Variants in CNTN5 observed in about 807,000 individuals in gnomAD.
The protein encoded by CNTN5 is contactin-5.
A neutral mutation model predicts 129.1 loss-of-function variants in CNTN5; 77 were observed. That is an observed-to-expected ratio of 0.60 (90% CI 0.50 to 0.72). CNTN5 has a LOEUF of 0.72. Among genes scored for constraint, CNTN5 ranks in the 30% least tolerant of loss-of-function variants. The probability of loss-of-function intolerance (pLI) is 0.00; values close to 1 mark genes in which losing one functional copy is unlikely to be tolerated. For synonymous variants in CNTN5, 509 were observed against 465.6 expected (o/e 1.09, Z -1.20); for missense variants, 1,478 against 1,328.8 (o/e 1.11, Z -1.75).
intron 1 of CNTN5, among the ~76,000 whole-genome samples, chr11:99,168,407 G>A (rs768229064): frequency 7.2e-5 from 11 of 152,092 alleles, no homozygotes; most frequent in East Asian, 3.9e-4. Flanking sequence ...GTGAAACCCC[G>A]TCTGTACTAA....
intron 4 of CNTN5, among the ~76,000 whole-genome samples, chr11:99,820,926 C>T (rs1417099086): frequency 6.6e-6 from 1 of 152,184 alleles, no homozygotes; most frequent in Non-Finnish European, 1.5e-5. Flanking sequence ...CAGGTGCAGG[C>T]AAACTTATCC....
Position 99,819,703 on chromosome 11 carries a change from C to A in CNTN5, c.215C>A (p.Ala72Glu), listed in dbSNP as rs201399847. The A allele has an allele frequency of 4.0e-5, 64 of 1,612,494 alleles. No individual in the cohort carries two copies. The African/African-American group carries it at 7.2e-4, about 18-fold the overall frequency. Residue 72 changes from alanine to glutamate, a missense_variant, in exon 4 of 25, where the codon GCA becomes GAA. Transcript: ENST00000524871. ...GCTTCTTCACCCAGCTGGCTAGGGG[C>A]AGCTCAGAATTATTATTCCCCCATC... Reference protein sequence around the residue: ...LSASSPSWLGAAQNYYSPINL... With the variant: ...LSASSPSWLGEAQNYYSPINL...
intron 2 of CNTN5, among the ~76,000 whole-genome samples, chr11:99,468,729 A>C (rs35978824): frequency 6.7e-6 from 1 of 148,988 alleles, no homozygotes; most frequent in Admixed American, 6.7e-5. Flanking sequence ...TTATTGTTAG[A>C]AACTTTTTTT....
intron 1 of CNTN5, among the ~76,000 whole-genome samples, chr11:99,094,873 T>G (rs553164438): frequency 6.6e-5 from 10 of 152,034 alleles, no homozygotes; most frequent in African/African-American, 2.2e-4. Context: ...AGTAAAAGTA[T>G]ATTGTTCTTA....
At chr11:99,174,845 T>A (rs949671773) in intron 1 of CNTN5, among the ~76,000 whole-genome samples, 31 of 152,234 alleles carry the variant, frequency 2.0e-4, no homozygotes, top group African/African-American at 7.2e-4. Flanking sequence ...ACTATTATAC[T>A]TGTTATGTGA....
intron 1 of CNTN5, among the ~76,000 whole-genome samples, chr11:99,056,054 T>C (rs1864612065): frequency 6.6e-6 from 1 of 152,004 alleles, no homozygotes; most frequent in South Asian, 2.1e-4. Context: ...TGTTTCACGC[T>C]CCAGTAACAT....
chr11:99,894,473 GA>G (rs35922423), intron 6 of CNTN5, among the ~76,000 whole-genome samples: 12,258 of 84,336 alleles, frequency 0.15, 1,015 homozygotes, highest in East Asian at 0.31. Flanking sequence ...AACTACAACT[GA>G]AAAAAAAAAA....
At chr11:99,260,149 T>C (rs1227669807) in intron 1 of CNTN5, among the ~76,000 whole-genome samples, 2 of 151,838 alleles carry the variant, frequency 1.3e-5, no homozygotes, top group Non-Finnish European at 2.9e-5. Flanking sequence ...TTGTAACATC[T>C]GGGATTCCTA....
At chr11:99,895,215 A>G (rs1949174464) in intron 6 of CNTN5, among the ~76,000 whole-genome samples, 1 of 152,224 alleles carries the variant, frequency 6.6e-6, no homozygotes, top group African/African-American at 2.4e-5. Flanking sequence ...ACCTTAGTCC[A>G]GCAGAGCTGT....
chr11:99,728,174 A>G (rs1016367215), intron 3 of CNTN5, among the ~76,000 whole-genome samples: 2 of 151,900 alleles, frequency 1.3e-5, no homozygotes, highest in Non-Finnish European at 2.9e-5. Flanking sequence ...ATATATGTTT[A>G]GAAAAATATA....
intron 8 of CNTN5, among the ~76,000 whole-genome samples, chr11:99,978,639 C>A (rs901165531): frequency 6.6e-6 from 1 of 152,164 alleles, no homozygotes; most frequent in Non-Finnish European, 1.5e-5. Context: ...AGCCTAGGAA[C>A]AATAGGGTAT....
At chr11:100,300,175 A>G (rs1173099401) in intron 20 of CNTN5, among the ~76,000 whole-genome samples, 3 of 151,490 alleles carry the variant, frequency 2.0e-5, no homozygotes, top group Non-Finnish European at 4.4e-5. Context: ...TCAATACATG[A>G]TAGAGCTACA....
At chr11:100,097,666 T>C (rs1945056069) in intron 13 of CNTN5, among the ~76,000 whole-genome samples, 1 of 152,076 alleles carries the variant, frequency 6.6e-6, no homozygotes, top group Admixed American at 6.6e-5. Flanking sequence ...TGAAAGATGA[T>C]GTCTGGATTT....
chr11:100,011,863 A>G (rs1224894700), intron 9 of CNTN5, among the ~76,000 whole-genome samples: 1 of 152,078 alleles, frequency 6.6e-6, no homozygotes, highest in African/African-American at 2.4e-5. Flanking sequence ...CTTGTGTCCC[A>G]TTGTAACTGT....
At chr11:99,644,703 T>A (rs1951887080) in intron 3 of CNTN5, among the ~76,000 whole-genome samples, 1 of 152,214 alleles carries the variant, frequency 6.6e-6, no homozygotes, top group South Asian at 2.1e-4. Context: ...TATTTACTAA[T>A]TAAGCAACTG....
chr11:99,336,468 A>G (rs1866230492), intron 2 of CNTN5, among the ~76,000 whole-genome samples: 1 of 152,230 alleles, frequency 6.6e-6, no homozygotes, highest in Non-Finnish European at 1.5e-5. Flanking sequence ...ACTGTAAAAT[A>G]GAAATATTAT....
intron 1 of CNTN5, among the ~76,000 whole-genome samples, chr11:99,287,980 A>G (rs1044502374): frequency 6.6e-6 from 1 of 152,016 alleles, no homozygotes; most frequent in Non-Finnish European, 1.5e-5. Context: ...TTAATTCCAC[A>G]TTCTCAAGGA....
chr11:99,174,269 G>T (rs986664121), intron 1 of CNTN5, among the ~76,000 whole-genome samples: 18 of 152,144 alleles, frequency 1.2e-4, no homozygotes, highest in Non-Finnish European at 8.8e-5. Flanking sequence ...AAAGTGCTGG[G>T]ATTACAGGCA....
chr11:99,968,943 A>G (rs550031178), intron 8 of CNTN5, among the ~76,000 whole-genome samples: 18 of 152,068 alleles, frequency 1.2e-4, no homozygotes, highest in African/African-American at 3.9e-4. Flanking sequence ...TTATTTTTCT[A>G]TGTGTCTCTC....
Sources: allele counts gnomAD v4.1 joint callset (sites outside exome capture counted in the v4.1 genomes callset), GRCh38; gene constraint gnomAD v4.1.1; transcripts MANE v1.5; gene names NCBI Gene and HGNC (gene_info 2026-07-23, HGNC 2026-07-21).